Variants in CACNA2D1 observed in about 807,000 individuals in gnomAD.
CACNA2D1 encodes the protein calcium voltage-gated channel auxiliary subunit alpha2delta 1.
A neutral mutation model predicts 171.5 loss-of-function variants in CACNA2D1; 53 were observed. That is an observed-to-expected ratio of 0.31 (90% CI 0.25 to 0.39). The LOEUF (loss-of-function observed/expected upper bound fraction) is 0.39. Among genes scored for constraint, CACNA2D1 ranks in the 10% least tolerant of loss-of-function variants. The pLI, the probability that CACNA2D1 is intolerant of heterozygous loss-of-function variation, is 1.00. For missense variants in CACNA2D1, 903 were observed against 1,299.8 expected, an observed-to-expected ratio of 0.69 and a Z score of 4.69; for synonymous variants, 442 against 443.1, an observed-to-expected ratio of 1.00 and a Z score of 0.03.
intron 3 of CACNA2D1, among the ~76,000 whole-genome samples, chr7:82,293,290 CT>C (rs1159337284): frequency 2.6e-5 from 4 of 151,644 alleles, no homozygotes; most frequent in Admixed American, 6.6e-5. Flanking sequence ...TTGCTTTTGT[CT>C]TTTTTTTCTT....
At chr7:82,126,101 G>A (rs1790306976) in intron 5 of CACNA2D1, among the ~76,000 whole-genome samples, 1 of 152,040 alleles carries the variant, frequency 6.6e-6, no homozygotes, top group African/African-American at 2.4e-5. Context: ...AATAACTGAG[G>A]TTGCTATTAC....
chr7:82,099,322 G>A (rs1024673621), intron 6 of CACNA2D1, among the ~76,000 whole-genome samples: 4 of 148,030 alleles, frequency 2.7e-5, no homozygotes, highest in African/African-American at 7.6e-5. Context: ...CTAACAATTT[G>A]TAGTTAAAAT....
At chr7:82,354,029 T>C (rs1304314367) in intron 1 of CACNA2D1, among the ~76,000 whole-genome samples, 1 of 152,052 alleles carries the variant, frequency 6.6e-6, no homozygotes, top group East Asian at 1.9e-4. Flanking sequence ...CTCCCTCCCT[T>C]CTTCGCTGAA....
At chr7:82,034,574 C>T (rs80139594) in intron 11 of CACNA2D1, among the ~76,000 whole-genome samples, 7,164 of 152,004 alleles carry the variant, frequency 0.047, 258 homozygotes, top group Middle Eastern at 0.095. Context: ...CAAAAAGTTG[C>T]CTATTTTATC....
chr7:82,135,656 G>C (rs1231004512), intron 5 of CACNA2D1, among the ~76,000 whole-genome samples: 1 of 152,018 alleles, frequency 6.6e-6, no homozygotes, highest in Non-Finnish European at 1.5e-5. Flanking sequence ...ACATTATCAA[G>C]CCATTATGTG....
In CACNA2D1 at chr7:82,390,397, A is replaced by C. The variant is rs565265213; in HGVS notation, c.96-40748T>G. ...TATTTAAAAATTTAAAAAAAGAGAG[A>C]AAAGTCTCTTGGGAAAGTTGGTATT... On this transcript the variant is annotated intron_variant, in intron 1 of 38. Transcript: ENST00000356860. Among the ~76,000 whole-genome samples, 149 of 152,294 alleles carry C rather than the reference A, an allele frequency of 9.8e-4. 4 individuals are homozygous for C. The South Asian group carries it at 0.03, about 31-fold the overall frequency.
intron 3 of CACNA2D1, among the ~76,000 whole-genome samples, chr7:82,210,672 A>G (rs78815123): frequency 0.085 from 12,878 of 152,214 alleles, 736 homozygotes; most frequent in Non-Finnish European, 0.11. Flanking sequence ...ATAAGTATCA[A>G]GGGATTTCAA....
intron 3 of CACNA2D1, among the ~76,000 whole-genome samples, chr7:82,232,025 C>T (rs1802994923): frequency 6.6e-6 from 1 of 152,152 alleles, no homozygotes; most frequent in African/African-American, 2.4e-5. Context: ...ATTTTGACCA[C>T]AGAAAGATTT....
At chr7:82,121,051 T>A (rs1000735293) in intron 5 of CACNA2D1, among the ~76,000 whole-genome samples, 3 of 151,848 alleles carry the variant, frequency 2.0e-5, no homozygotes, top group Non-Finnish European at 4.4e-5. Flanking sequence ...CCTTGTGATT[T>A]TTTGTTTGTT....
At chr7:82,321,308 A>G (rs1815829918) in intron 3 of CACNA2D1, among the ~76,000 whole-genome samples, 1 of 152,152 alleles carries the variant, frequency 6.6e-6, no homozygotes, top group African/African-American at 2.4e-5. Flanking sequence ...CTAAGGCAGA[A>G]GAATAGCTTG....
chr7:82,223,637 G>C (rs895594545), intron 3 of CACNA2D1, among the ~76,000 whole-genome samples: 1 of 152,130 alleles, frequency 6.6e-6, no homozygotes, highest in South Asian at 2.1e-4. Context: ...TCAGGCATCT[G>C]GGTCATGTTC....
intron 1 of CACNA2D1, among the ~76,000 whole-genome samples, chr7:82,357,305 A>G (rs1358586123): frequency 6.6e-6 from 1 of 152,186 alleles, no homozygotes; most frequent in African/African-American, 2.4e-5. Context: ...GTGCATGTGC[A>G]AAACAACAAA....
chr7:82,079,175 A>G (rs1027008111), intron 7 of CACNA2D1, among the ~76,000 whole-genome samples: 1 of 152,204 alleles, frequency 6.6e-6, no homozygotes, highest in Non-Finnish European at 1.5e-5. Context: ...AAATCATGAG[A>G]GTACTCTAAC....
Position 81,969,906 on chromosome 7 carries a change from A to G in CACNA2D1, c.2283T>C (p.Tyr761=). The G allele has an allele frequency of 3.1e-6, 5 of 1,601,628 alleles. No individual in the cohort carries two copies. The highest frequency in any genetic ancestry group is 4.3e-6 in the Non-Finnish European group (5 of 1,169,678). The change falls in exon 28 of 39, where the codon TAT becomes TAC. Residue 761 remains tyrosine (Y), a synonymous_variant. Coordinates refer to ENST00000356860, the MANE Select transcript of CACNA2D1 (RefSeq NM_000722.4). ...TGTTAAAGTAGGGAGCAGTGAAAACATAGTTATCATTATCTAGGCTCCTTT... is the reference window on the plus strand; with the variant it reads ...TGTTAAAGTAGGGAGCAGTGAAAACGTAGTTATCATTATCTAGGCTCCTTT... ...FYKRSLDNDN[Y]VFTAPYFNKS...
intron 1 of CACNA2D1, among the ~76,000 whole-genome samples, chr7:82,385,854 G>A (rs4728504): frequency 0.055 from 8,334 of 151,792 alleles, 474 homozygotes; most frequent in East Asian, 0.17. Flanking sequence ...TAGTAGAGAC[G>A]GGGTTTCACC....
intron 1 of CACNA2D1, among the ~76,000 whole-genome samples, chr7:82,358,711 T>C (rs1354623472): frequency 1.3e-5 from 2 of 151,976 alleles, no homozygotes; most frequent in Non-Finnish European, 2.9e-5. Context: ...CGTGCATCTG[T>C]GTGAGTGTGC....
chr7:81,972,816 G>A (rs193058379), intron 25 of CACNA2D1, among the ~76,000 whole-genome samples: 14 of 151,978 alleles, frequency 9.2e-5, no homozygotes, highest in East Asian at 3.9e-4. Flanking sequence ...ATACAACATG[G>A]TGGTGAGATA....
intron 3 of CACNA2D1, among the ~76,000 whole-genome samples, chr7:82,282,907 C>T (rs576907550): frequency 2.2e-4 from 34 of 152,194 alleles, no homozygotes; most frequent in African/African-American, 5.8e-4. Context: ...CAAATTTAAA[C>T]GCTGCAATTC....
At chr7:82,133,604 T>G (rs1282244355) in intron 5 of CACNA2D1, among the ~76,000 whole-genome samples, 6 of 152,266 alleles carry the variant, frequency 3.9e-5, no homozygotes, top group Non-Finnish European at 7.4e-5. Context: ...CTTTGAAGAA[T>G]AATATTTATG....
Sources: allele counts gnomAD v4.1 joint callset (sites outside exome capture counted in the v4.1 genomes callset), GRCh38; gene constraint gnomAD v4.1.1; transcripts MANE v1.5; gene names NCBI Gene and HGNC (gene_info 2026-07-23, HGNC 2026-07-21).